Variants in ABCA12 observed in about 807,000 individuals in gnomAD.
The protein encoded by ABCA12 is ATP binding cassette subfamily A member 12, also known as glucosylceramide transporter ABCA12.
ABCA12 carries 156 observed loss-of-function variants against 293.5 expected under a neutral mutation model. The ratio of observed to expected loss-of-function variants is 0.53; its 90% CI spans 0.47 to 0.61. The LOEUF (loss-of-function observed/expected upper bound fraction) is 0.61, where lower values mean the gene tolerates loss of function less well. ABCA12 is among the 20% of genes least tolerant of loss of function. The pLI is 0.00. For missense variants in ABCA12, 2,797 were observed against 3,090.2 expected, an observed-to-expected ratio of 0.91 and a Z score of 2.25; for synonymous variants, 1,063 against 1,108.0, an observed-to-expected ratio of 0.96 and a Z score of 0.81.
chr2:215,127,999 G>C (rs1347094261), intron 1 of ABCA12, among the ~76,000 whole-genome samples: 2 of 152,080 alleles, frequency 1.3e-5, no homozygotes, highest in East Asian at 3.8e-4. Context: ...CTTTGGTAAT[G>C]GTGAATTTTC....
chr2:214,943,025 A>T lies in ABCA12; in HGVS notation c.7344-8T>A. Reference sequence around the variant, plus strand: ...GCTTCACATTCTTCCATGCTAAAAGACAAAGCAGGATCATATTAGCATTCA... The same window carrying T: ...GCTTCACATTCTTCCATGCTAAAAGTCAAAGCAGGATCATATTAGCATTCA... On this transcript the variant is annotated splice_region_variant and splice_polypyrimidine_tract_variant and intron_variant, in intron 49 of 52. Coordinates refer to ENST00000272895, the MANE Select transcript of ABCA12 (RefSeq NM_173076.3). 6.2e-7 allele frequency: 1 copy of T among 1,610,034 alleles called. No individual in the cohort carries two copies. Among genetic ancestry groups the T allele is most frequent in the Non-Finnish European group, 8.5e-7 (1 of 1,177,288 alleles).
intron 32 of ABCA12, 101 bp from the exon 33 acceptor site, chr2:214,978,567 G>GACAAATTTTTCCC: frequency 7.0e-7 from 1 of 1,433,318 alleles, no homozygotes; most frequent in Non-Finnish European, 9.6e-7. Flanking sequence ...CATTTACTGA[G>GACAAATTTTTCCC]ACAAATTTTT....
intron 3 of ABCA12, among the ~76,000 whole-genome samples, chr2:215,062,270 T>C (rs1701544207): frequency 6.6e-6 from 1 of 151,996 alleles, no homozygotes; most frequent in African/African-American, 2.4e-5. Context: ...ATAGAGACCA[T>C]CAACATTGGA....
intron 1 of ABCA12, among the ~76,000 whole-genome samples, chr2:215,118,132 T>G (rs989760154): frequency 2.0e-5 from 3 of 152,232 alleles, no homozygotes; most frequent in Admixed American, 6.5e-5. Flanking sequence ...CAGGGCATGG[T>G]GGCTAATGCC....
At chr2:215,039,041 G>C (rs936753740) in intron 7 of ABCA12, 7 of 152,140 alleles carry the variant, frequency 4.6e-5, no homozygotes, top group Non-Finnish European at 8.8e-5. Flanking sequence ...TCTGAGTAAA[G>C]GTAATTTTTA....
intron 30 of ABCA12, among the ~76,000 whole-genome samples, chr2:214,980,863 T>C (rs1367334009): frequency 6.6e-6 from 1 of 151,694 alleles, no homozygotes; most frequent in Non-Finnish European, 1.5e-5. Flanking sequence ...CTTTAGGAGG[T>C]TGAGGCGGGC....
chr2:215,066,237 G>C (rs760101676), intron 2 of ABCA12, among the ~76,000 whole-genome samples: 2 of 152,022 alleles, frequency 1.3e-5, no homozygotes, highest in Non-Finnish European at 2.9e-5. Flanking sequence ...TCTCACTTAG[G>C]GTATAGGGCT....
At chr2:214,948,165 C>T (rs948388637) in intron 47 of ABCA12, among the ~76,000 whole-genome samples, 1 of 152,152 alleles carries the variant, frequency 6.6e-6, no homozygotes, top group African/African-American at 2.4e-5. Flanking sequence ...CAAATAGTTG[C>T]AGTGAGATCT....
intron 1 of ABCA12, among the ~76,000 whole-genome samples, chr2:215,119,734 T>TAAAAAAAAAAAAAAAAAATA (rs1702763423): frequency 4.0e-5 from 3 of 75,606 alleles, no homozygotes; most frequent in Non-Finnish European, 9.9e-5. Context: ...CATTAAAAAG[T>TAAAAAAAAAAAAAAAAAATA]AAAAAAAAAA....
intron 18 of ABCA12, among the ~76,000 whole-genome samples, chr2:215,008,540 T>G (rs1700303510): frequency 6.6e-6 from 1 of 152,070 alleles, no homozygotes; most frequent in Non-Finnish European, 1.5e-5. Flanking sequence ...TTGGAAAAAT[T>G]TTCACAATGT....
At chr2:215,038,227 C>G (rs1019913152) in intron 7 of ABCA12, among the ~76,000 whole-genome samples, 1 of 152,010 alleles carries the variant, frequency 6.6e-6, no homozygotes, top group African/African-American at 2.4e-5. Flanking sequence ...TATATATTTT[C>G]TAACATTTAG....
intron 19 of ABCA12, 55 bp from the exon 20 acceptor site, chr2:215,004,354 T>C (rs1700209511): frequency 2.2e-6 from 3 of 1,351,672 alleles, no homozygotes; most frequent in African/African-American, 2.9e-5. Flanking sequence ...ATGTTTGACA[T>C]TGTCTCTCTA....
At chr2:215,136,962 A>C (rs752836164) in intron 1 of ABCA12, among the ~76,000 whole-genome samples, 7 of 152,004 alleles carry the variant, frequency 4.6e-5, no homozygotes, top group Non-Finnish European at 1.0e-4. Context: ...CCACATCCAC[A>C]CACCCAGGAT....
chr2:215,069,493 G>A (rs950483798), intron 2 of ABCA12, among the ~76,000 whole-genome samples: 5 of 151,988 alleles, frequency 3.3e-5, no homozygotes, highest in African/African-American at 1.2e-4. Context: ...AAATCTTCTT[G>A]TAGTTTTCAA....
chr2:214,954,506 G>A (rs1698880641), intron 43 of ABCA12, among the ~76,000 whole-genome samples: 1 of 152,098 alleles, frequency 6.6e-6, no homozygotes, highest in African/African-American at 2.4e-5. Context: ...CTTGGAGAGG[G>A]ACTAAAATGC....
chr2:215,031,127 T>C (rs1250548504), intron 9 of ABCA12, among the ~76,000 whole-genome samples: 1 of 152,210 alleles, frequency 6.6e-6, no homozygotes, highest in Non-Finnish European at 1.5e-5. Context: ...TAATGGTCTT[T>C]AGACAGCATG....
intron 16 of ABCA12, 147 bp downstream of exon 16, chr2:215,011,823 GC>G: frequency 8.7e-7 from 1 of 1,152,980 alleles, no homozygotes; most frequent in Non-Finnish European, 1.3e-6. Context: ...AATTAAAGTG[GC>G]AAAAAGTGTT....
chr2:215,104,338 C>T (rs779155514), intron 2 of ABCA12, among the ~76,000 whole-genome samples: 3 of 152,152 alleles, frequency 2.0e-5, no homozygotes, highest in Non-Finnish European at 4.4e-5. Flanking sequence ...GTTTACTGAG[C>T]CTAAGAGGGC....
chr2:214,933,227 T>TAACA (rs1298882972), intron 52 of ABCA12, among the ~76,000 whole-genome samples: 1 of 152,192 alleles, frequency 6.6e-6, no homozygotes, highest in African/African-American at 2.4e-5. Flanking sequence ...GCCAATTACT[T>TAACA]AACAGGCAGA....
Sources: gnomAD v4.1 joint callset for allele counts (sites outside exome capture counted in the v4.1 genomes callset) on GRCh38, gnomAD v4.1.1 for gene constraint, MANE v1.5 for transcripts, NCBI Gene and HGNC (gene_info 2026-07-23, HGNC 2026-07-21) for gene names.